Variants in TMEM132B observed in about 807,000 individuals in gnomAD.
TMEM132B encodes transmembrane protein 132B.
In TMEM132B, 18 loss-of-function variants were observed where a neutral mutation model predicts 90.8. The ratio of observed to expected loss-of-function variants is 0.20; its 90% CI spans 0.14 to 0.29. The LOEUF (loss-of-function observed/expected upper bound fraction) is 0.29, where lower values mean the gene tolerates loss of function less well. Among genes scored for constraint, TMEM132B ranks in the 10% least tolerant of loss-of-function variants. The pLI, the probability that TMEM132B is intolerant of heterozygous loss-of-function variation, is 1.00. For missense variants in TMEM132B, 1,096 were observed against 1,326.8 expected, an observed-to-expected ratio of 0.83 and a Z score of 2.70; for synonymous variants, 504 against 523.3, an observed-to-expected ratio of 0.96 and a Z score of 0.50.
intron 7 of TMEM132B, 151 bp downstream of exon 7, chr12:125,651,104 T>A: frequency 8.8e-7 from 1 of 1,137,128 alleles, no homozygotes; most frequent in African/African-American, 1.5e-5. Flanking sequence ...TGTTTGTTTG[T>A]AAGAGAATCC....
intron 3 of TMEM132B, among the ~76,000 whole-genome samples, chr12:125,518,846 T>C (rs1238488681): frequency 1.3e-5 from 2 of 152,248 alleles, no homozygotes; most frequent in East Asian, 1.9e-4. Flanking sequence ...CAGTGTAGTA[T>C]CTTCTTATGT....
chr12:125,431,342 C>T (rs764228062), intron 3 of TMEM132B, among the ~76,000 whole-genome samples: 9 of 151,894 alleles, frequency 5.9e-5, no homozygotes, highest in African/African-American at 2.2e-4. Context: ...TGATGAGAAA[C>T]GCTGCATGTA....
chr12:125,621,924 C>A (rs1468418189), intron 5 of TMEM132B, among the ~76,000 whole-genome samples: 1 of 152,184 alleles, frequency 6.6e-6, no homozygotes, highest in African/African-American at 2.4e-5. Context: ...TAGAAAAGTA[C>A]TTTAAAACTA....
intron 1 of TMEM132B, among the ~76,000 whole-genome samples, chr12:125,264,844 G>A (rs1243210150): frequency 6.6e-6 from 1 of 152,162 alleles, no homozygotes; most frequent in Non-Finnish European, 1.5e-5. Context: ...GCATAGACAC[G>A]CTCAGCCCAT....
At chr12:125,553,761 A>G (rs1318756432) in intron 4 of TMEM132B, among the ~76,000 whole-genome samples, 2 of 152,240 alleles carry the variant, frequency 1.3e-5, no homozygotes, top group Admixed American at 1.3e-4. Context: ...CTAATTTGCT[A>G]ATCTCCCTTT....
intron 1 of TMEM132B, among the ~76,000 whole-genome samples, chr12:125,242,283 G>A (rs1194050305): frequency 6.6e-6 from 1 of 152,146 alleles, no homozygotes; most frequent in Admixed American, 6.5e-5. Flanking sequence ...CTGAGTAGCT[G>A]AGAATAGAGG....
At chr12:125,618,696 T>A (rs1367450493) in intron 5 of TMEM132B, among the ~76,000 whole-genome samples, 1 of 152,188 alleles carries the variant, frequency 6.6e-6, no homozygotes, top group Non-Finnish European at 1.5e-5. Flanking sequence ...AATACAAATT[T>A]TCTCCAATTA....
intron 4 of TMEM132B, among the ~76,000 whole-genome samples, chr12:125,522,062 C>T (rs1883321197): frequency 6.6e-6 from 1 of 152,170 alleles, no homozygotes. Context: ...AAGTCTCGTT[C>T]CTCTCAGGTC....
At chr12:125,429,260 C>A (rs1880425268) in intron 3 of TMEM132B, among the ~76,000 whole-genome samples, 2 of 151,590 alleles carry the variant, frequency 1.3e-5, no homozygotes, top group South Asian at 2.1e-4. Flanking sequence ...AATGCAGTGG[C>A]ATGATCTTGG....
chr12:125,486,623 G>T (rs1370413328), intron 3 of TMEM132B, among the ~76,000 whole-genome samples: 2 of 152,084 alleles, frequency 1.3e-5, no homozygotes, highest in Non-Finnish European at 2.9e-5. Flanking sequence ...AATTACTTCT[G>T]GCCCACCCCC....
At chr12:125,326,009 G>A (rs1218909073) in intron 1 of TMEM132B, among the ~76,000 whole-genome samples, 1 of 152,256 alleles carries the variant, frequency 6.6e-6, no homozygotes, top group Non-Finnish European at 1.5e-5. Flanking sequence ...CTGCAGCTCT[G>A]AGCTCCCCAT....
At chr12:125,351,338 G>A (rs971560072) in intron 2 of TMEM132B, among the ~76,000 whole-genome samples, 2 of 152,180 alleles carry the variant, frequency 1.3e-5, no homozygotes, top group African/African-American at 4.8e-5. Context: ...TGATCATGTT[G>A]AAGCTTGAGT....
intron 3 of TMEM132B, among the ~76,000 whole-genome samples, chr12:125,494,120 T>C (rs1593173513): frequency 1.6e-5 from 1 of 62,592 alleles, no homozygotes; most frequent in African/African-American, 6.6e-5. Flanking sequence ...CTCCTCCCCC[T>C]CCTCCCTGGA....
chr12:125,573,852 A>C (rs1413175065), intron 4 of TMEM132B, among the ~76,000 whole-genome samples: 1 of 152,218 alleles, frequency 6.6e-6, no homozygotes, highest in Non-Finnish European at 1.5e-5. Context: ...GCTTGTGAGG[A>C]AATTTTATTT....
chr12:125,631,735 A>G (rs1479684554), intron 5 of TMEM132B, among the ~76,000 whole-genome samples: 2 of 152,162 alleles, frequency 1.3e-5, no homozygotes, highest in Non-Finnish European at 2.9e-5. Flanking sequence ...ATCATTATAT[A>G]GTGTCCTTCT....
chr12:125,640,024 G>A (rs1487682786), intron 5 of TMEM132B, among the ~76,000 whole-genome samples: 2 of 152,128 alleles, frequency 1.3e-5, no homozygotes, highest in Admixed American at 1.3e-4. Flanking sequence ...GTCAGTCTGG[G>A]CCACGGCTGG....
At chr12:125,500,927 A>G (rs960450978) in intron 3 of TMEM132B, among the ~76,000 whole-genome samples, 4 of 152,218 alleles carry the variant, frequency 2.6e-5, no homozygotes, top group Admixed American at 6.5e-5. Flanking sequence ...AGAGTCGTAT[A>G]GTAATTGGGA....
intron 5 of TMEM132B, among the ~76,000 whole-genome samples, chr12:125,641,754 G>C (rs1305571196): frequency 6.6e-6 from 1 of 151,730 alleles, no homozygotes; most frequent in Non-Finnish European, 1.5e-5. Context: ...TCCAAAACTG[G>C]TGTGTTCTCT....
intron 1 of TMEM132B, among the ~76,000 whole-genome samples, chr12:125,309,641 T>C (rs1029686774): frequency 6.6e-6 from 1 of 152,202 alleles, no homozygotes; most frequent in Non-Finnish European, 1.5e-5. Flanking sequence ...ACTGAAGAGC[T>C]AACGGAGATG....
Sources: allele counts gnomAD v4.1 joint callset (sites outside exome capture counted in the v4.1 genomes callset), GRCh38; gene constraint gnomAD v4.1.1; transcripts MANE v1.5; gene names NCBI Gene and HGNC (gene_info 2026-07-23, HGNC 2026-07-21).